Variants in SNX25 observed in about 807,000 individuals in gnomAD.
The protein encoded by SNX25 is sorting nexin 25.
SNX25 carries 62 observed loss-of-function variants against 113.7 expected under a neutral mutation model. The observed-to-expected ratio is 0.55, with a 90% CI of 0.44 to 0.67. The LOEUF is 0.67. SNX25 is among the 30% of genes least tolerant of loss of function. SNX25 has a pLI of 0.00. For synonymous variants in SNX25, 421 were observed against 436.2 expected (o/e 0.97, Z 0.43); for missense variants, 1,014 against 1,161.0 (o/e 0.87, Z 1.84).
At chr4:185,300,958 T>C (rs1452034246) in intron 6 of SNX25, among the ~76,000 whole-genome samples, 2 of 151,936 alleles carry the variant, frequency 1.3e-5, no homozygotes, top group Admixed American at 1.3e-4. Context: ...ACTTTAGGCC[T>C]CAGAAGCAGA....
intron 3 of SNX25, among the ~76,000 whole-genome samples, chr4:185,259,320 A>T (rs534250093): frequency 1.3e-5 from 2 of 152,258 alleles, no homozygotes; most frequent in African/African-American, 4.8e-5. Context: ...CAGCACTGTG[A>T]TGATCTTATA....
downstream of SNX25, chr4:185,372,859 T>C (rs761896890): frequency 1.5e-5 from 24 of 1,599,068 alleles, no homozygotes; most frequent in Admixed American, 1.3e-4. Context: ...CATTCACCTT[T>C]TGGAAAATGC....
At chr4:185,312,670 C>T (rs1455969400) in intron 7 of SNX25, among the ~76,000 whole-genome samples, 1 of 151,988 alleles carries the variant, frequency 6.6e-6, no homozygotes, top group Non-Finnish European at 1.5e-5. Context: ...CTACAGACGC[C>T]CGCCACCACA....
Position 185,232,286 on chromosome 4 carries a change from A to G in SNX25, c.430-15008A>G, listed in dbSNP as rs1459836405. On this transcript the variant is annotated intron_variant, in intron 1 of 18. Transcript: ENST00000652585. This position sits in a 1 kb window ranked among gnomAD's most constrained non-coding sequence, Gnocchi z 4.4. ...CCCTTGCCCAGTTCCTCATTGGTCTAGTACTACGGGGTTACAATCTTCCCG... is the reference window on the plus strand; with the variant it reads ...CCCTTGCCCAGTTCCTCATTGGTCTGGTACTACGGGGTTACAATCTTCCCG... 3.9e-5 allele frequency among the ~76,000 whole-genome samples: 6 copies of G among 152,188 alleles called. No homozygotes were observed. Among genetic ancestry groups the G allele is most frequent in the Non-Finnish European group, 5.9e-5 (4 of 68,040 alleles).
intron 6 of SNX25, among the ~76,000 whole-genome samples, chr4:185,292,796 A>G (rs1478793888): frequency 2.0e-5 from 3 of 152,012 alleles, no homozygotes; most frequent in African/African-American, 7.2e-5. Context: ...GGTGGTGCAC[A>G]CCTGTAGTCC....
intron 3 of SNX25, among the ~76,000 whole-genome samples, chr4:185,261,799 T>C (rs1747373164): frequency 2.0e-5 from 3 of 152,064 alleles, no homozygotes; most frequent in Non-Finnish European, 4.4e-5. Context: ...CTGTAGTTGA[T>C]GATAAAAAAT....
intron 5 of SNX25, among the ~76,000 whole-genome samples, chr4:185,282,521 A>G (rs965979345): frequency 6.6e-6 from 1 of 152,144 alleles, no homozygotes. Context: ...GTAGCATTTC[A>G]GTGAGTTTGA....
At chr4:185,221,851 C>T (rs531434349) in intron 1 of SNX25, among the ~76,000 whole-genome samples, 52 of 152,162 alleles carry the variant, frequency 3.4e-4, no homozygotes, top group Admixed American at 2.6e-4. Context: ...TTCTTTATAC[C>T]ACAGTCATCA....
chr4:185,318,065 G>A (rs992442571), intron 7 of SNX25, among the ~76,000 whole-genome samples: 3 of 152,246 alleles, frequency 2.0e-5, no homozygotes, highest in East Asian at 1.9e-4. Context: ...GAAAATGCCT[G>A]CCCCCTTCTG....
intron 1 of SNX25, among the ~76,000 whole-genome samples, chr4:185,221,064 G>C (rs185750646): frequency 2.0e-5 from 3 of 150,718 alleles, no homozygotes; most frequent in African/African-American, 7.3e-5. Context: ...ACAGGATCTG[G>C]CTCTGTTGCC....
At chr4:185,284,582 GA>G (rs906761518) in intron 5 of SNX25, among the ~76,000 whole-genome samples, 37 of 151,848 alleles carry the variant, frequency 2.4e-4, no homozygotes, top group Non-Finnish European at 1.9e-4. Flanking sequence ...TTCATAGGGA[GA>G]AAAAAAACGA....
At chr4:185,355,401 TA>T (rs2095334684) in intron 15 of SNX25, among the ~76,000 whole-genome samples, 1 of 152,248 alleles carries the variant, frequency 6.6e-6, no homozygotes, top group Non-Finnish European at 1.5e-5. Context: ...ATGTTTTAGA[TA>T]CAGATCTGTA....
At chr4:185,301,453 G>T (rs138674848) in intron 6 of SNX25, among the ~76,000 whole-genome samples, 365 of 151,872 alleles carry the variant, frequency 2.4e-3, no homozygotes, top group Non-Finnish European at 3.8e-3. Context: ...GTGCAGTGGT[G>T]CAATCTTGAC....
At chr4:185,367,224 A>T (rs770391653), downstream of SNX25, 2 of 1,612,620 alleles carry the variant, frequency 1.2e-6, no homozygotes, top group East Asian at 4.5e-5. Flanking sequence ...TCATCTGCCA[A>T]TGCGGGATTC....
At chr4:185,298,507 C>T (rs1753172573) in intron 6 of SNX25, among the ~76,000 whole-genome samples, 1 of 151,772 alleles carries the variant, frequency 6.6e-6, no homozygotes, top group African/African-American at 2.4e-5. Flanking sequence ...CTTATGTCAC[C>T]TTTGTATTTA....
At chr4:185,342,205 C>T in intron 12 of SNX25, 89 bp downstream of exon 12, 1 of 1,381,922 alleles carries the variant, frequency 7.2e-7, no homozygotes, top group African/African-American at 1.5e-5. Flanking sequence ...TAATCTTCTT[C>T]CTTTGCTGTT....
Position 185,342,028 on chromosome 4 carries a change from T to C in SNX25, c.2099T>C (p.Leu700Pro), listed in dbSNP as rs1428072780. The C allele has an allele frequency of 1.2e-6, 2 of 1,611,732 alleles. No homozygotes were observed. Among genetic ancestry groups the C allele is most frequent in the Middle Eastern group, 1.6e-4 (1 of 6,078 alleles). The change falls in exon 12 of 19, where the codon CTA (leucine) becomes CCA (proline). Residue 700 changes from leucine to proline, a missense_variant. Transcript: ENST00000652585. ...CCATGTTACTTTGTCATGGTAAGCC[T>C]ACAAGAAGTTGGAGGAGTTGAAACT... ...QLPCYFVMVS[L>P]QEVGGVETKN... is the part of the protein sequence containing the mutation.
intron 1 of SNX25, among the ~76,000 whole-genome samples, chr4:185,238,891 C>T (rs1016705450): frequency 6.6e-6 from 1 of 152,120 alleles, no homozygotes; most frequent in Admixed American, 6.5e-5. Flanking sequence ...CCCTGGCTCC[C>T]AGTGAGCAGT....
intron 6 of SNX25, among the ~76,000 whole-genome samples, chr4:185,292,834 G>A (rs750005847): frequency 2.6e-4 from 39 of 152,206 alleles, no homozygotes; most frequent in Non-Finnish European, 5.0e-4. Context: ...AGGATTGCTT[G>A]AGCCCAGGAG....
Sources: gnomAD v4.1 joint callset for allele counts (sites outside exome capture counted in the v4.1 genomes callset) on GRCh38, gnomAD v4.1.1 for gene constraint, Gnocchi (gnomAD v3.1) non-coding constraint, MANE v1.5 for transcripts, NCBI Gene and HGNC (gene_info 2026-07-23, HGNC 2026-07-21) for gene names.